Variants in SLC7A14 observed in about 807,000 individuals in gnomAD.
SLC7A14 encodes the protein solute carrier family 7 member 14.
A neutral mutation model predicts 60.2 loss-of-function variants in SLC7A14; 37 were observed. That is an observed-to-expected ratio of 0.61 (90% CI 0.47 to 0.81). The LOEUF (loss-of-function observed/expected upper bound fraction) is 0.81, where lower values mean the gene tolerates loss of function less well. SLC7A14 is among the 30% of genes least tolerant of loss of function. SLC7A14 has a pLI of 0.00. For missense variants in SLC7A14, 886 were observed against 982.7 expected, an observed-to-expected ratio of 0.90 and a Z score of 1.32; for synonymous variants, 399 against 395.8, an observed-to-expected ratio of 1.01 and a Z score of -0.10.
At position 170,467,195 on chromosome 3, in the gene SLC7A14, C is replaced by T. The variant is rs1423276101; in HGVS notation, c.2176G>A (p.Asp726Asn). 6.2e-7 allele frequency: 1 copy of T among 1,614,134 alleles called. No individual in the cohort carries two copies. The highest frequency in any genetic ancestry group is 8.5e-7 in the Non-Finnish European group (1 of 1,180,042). The change falls in exon 8 of 8, where the codon GAC becomes AAC. Residue 726 changes from aspartate to asparagine, a missense_variant. Coordinates refer to ENST00000231706, the MANE Select transcript of SLC7A14 (RefSeq NM_020949.3). ...SQEDWGGPTE[D>N]KGFYYQQMSD... ...ATCTGTTGGTAATAGAAGCCTTTGT[C>T]TTCAGTGGGCCCGCCCCAGTCCTCC... is the stretch of plus-strand genomic sequence containing the variant.
intron 2 of SLC7A14, among the ~76,000 whole-genome samples, chr3:170,510,075 CAA>C (rs34579714): frequency 0.046 from 3,592 of 78,494 alleles, 108 homozygotes; most frequent in African/African-American, 0.13. Flanking sequence ...AACTCTGTCT[CAA>C]AAAAAAAAAA....
intron 5 of SLC7A14, among the ~76,000 whole-genome samples, chr3:170,484,836 G>A (rs974565654): frequency 1.3e-5 from 2 of 152,134 alleles, no homozygotes; most frequent in African/African-American, 4.8e-5. Flanking sequence ...ATTTCCTCTG[G>A]GGATGGGGCA....
intron 1 of SLC7A14, among the ~76,000 whole-genome samples, chr3:170,541,744 G>A (rs935032438): frequency 6.6e-6 from 1 of 152,164 alleles, no homozygotes; most frequent in Non-Finnish European, 1.5e-5. Flanking sequence ...GGTGGGATTA[G>A]GAATGATATC....
At chr3:170,510,499 G>A (rs1712945388) in intron 2 of SLC7A14, among the ~76,000 whole-genome samples, 2 of 152,050 alleles carry the variant, frequency 1.3e-5, no homozygotes, top group Non-Finnish European at 2.9e-5. Context: ...GTTATTGAAG[G>A]TACAGTCTCT....
Position 170,480,488 on chromosome 3 carries a change from G to T in SLC7A14, c.1794C>A (p.Ile598=). 1 of 1,614,176 alleles carries T rather than the reference G, an allele frequency of 6.2e-7. No individual in the cohort carries two copies. Reference sequence around the variant, plus strand: ...GCAGCACCATCAGAACAACCAGAAGGATGGCCCACCAGCTCTGCTCTGAGA... The same window carrying T: ...GCAGCACCATCAGAACAACCAGAAGTATGGCCCACCAGCTCTGCTCTGAGA... ...DYISEQSWWA[I]LLVVLMVLLI... is the part of the protein sequence containing the mutation. The change falls in exon 7 of 8, where the codon ATC becomes ATA. Residue 598 remains isoleucine, a synonymous_variant. Coordinates refer to ENST00000231706, the MANE Select transcript of SLC7A14 (RefSeq NM_020949.3).
chr3:170,583,319 G>A (rs1457187033), intron 1 of SLC7A14, among the ~76,000 whole-genome samples: 1 of 152,224 alleles, frequency 6.6e-6, no homozygotes, highest in Non-Finnish European at 1.5e-5. Flanking sequence ...GACAACACTG[G>A]AATAGTAGGA....
Position 170,467,160 on chromosome 3 carries a change from C to T in SLC7A14, c.2211G>A (p.Ala737=), listed in dbSNP as rs200155699. The T allele has an allele frequency of 5.2e-5, 84 of 1,614,150 alleles. No homozygotes were observed. Among genetic ancestry groups the T allele is most frequent in the Admixed American group, 2.8e-4 (17 of 60,030 alleles). ...TGCTACTTGTCCGGCCGTTTGCCTT[C>T]GCATCTGACATCTGTTGGTAATAGA... ...KGFYYQQMSD[A]KANGRTSSKA... The change falls in exon 8 of 8, where the codon GCG becomes GCA. Residue 737 remains alanine, a synonymous_variant. Coordinates refer to ENST00000231706, the MANE Select transcript of SLC7A14 (RefSeq NM_020949.3).
intron 1 of SLC7A14, among the ~76,000 whole-genome samples, chr3:170,539,905 T>C (rs1713965926): frequency 6.6e-6 from 1 of 152,176 alleles, no homozygotes; most frequent in African/African-American, 2.4e-5. Context: ...ATAACTAATA[T>C]TAAAATAGGA....
At chr3:170,582,465 G>T (rs1444596754) in intron 1 of SLC7A14, among the ~76,000 whole-genome samples, 1 of 152,094 alleles carries the variant, frequency 6.6e-6, no homozygotes, top group African/African-American at 2.4e-5. Flanking sequence ...ATTATAAATA[G>T]TTACATGTGG....
intron 1 of SLC7A14, among the ~76,000 whole-genome samples, chr3:170,542,838 C>A (rs1714061808): frequency 6.6e-6 from 1 of 152,106 alleles, no homozygotes; most frequent in Non-Finnish European, 1.5e-5. Context: ...ATTTTCAGTC[C>A]TTAACGTGGT....
intron 2 of SLC7A14, among the ~76,000 whole-genome samples, chr3:170,504,319 T>C (rs144242509): frequency 6.6e-6 from 1 of 152,290 alleles, no homozygotes; most frequent in African/African-American, 2.4e-5. Context: ...TTTATTTTTT[T>C]AATTTTTTTT....
chr3:170,579,269 G>A (rs139600566), intron 1 of SLC7A14, among the ~76,000 whole-genome samples: 2 of 152,342 alleles, frequency 1.3e-5, no homozygotes, highest in African/African-American at 4.8e-5. Flanking sequence ...AAGTGAGAGA[G>A]TTCAGTTATG....
intron 4 of SLC7A14, among the ~76,000 whole-genome samples, chr3:170,497,087 C>CAAAAAAAAAA (rs548290941): frequency 4.2e-5 from 4 of 94,306 alleles, no homozygotes; most frequent in South Asian, 4.0e-4. Context: ...TTATTTTGTC[C>CAAAAAAAAAA]AAAAAAAAAA....
rs1739691202 is a variant in SLC7A14 at position 170,465,283 on chromosome 3, T to C, written c.*1772A>G. ...GTTTCAATTCATCTTTATATGTATG[T>C]TAAAACCCAGTGCATCAGCCTGGAG... On this transcript the variant is annotated 3_prime_UTR_variant, in exon 8 of 8. Coordinates refer to ENST00000231706, the MANE Select transcript of SLC7A14 (RefSeq NM_020949.3). 1 of 152,278 alleles carries C rather than the reference T, an allele frequency of 6.6e-6. No homozygotes were observed. The highest frequency in any genetic ancestry group is 2.1e-4 in the South Asian group (1 of 4,834). 9.4% of individuals were successfully genotyped at this position (152,278 alleles called of 1,614,324 possible).
At chr3:170,578,662 A>G (rs1373030853) in intron 1 of SLC7A14, among the ~76,000 whole-genome samples, 6 of 152,196 alleles carry the variant, frequency 3.9e-5, no homozygotes, top group African/African-American at 1.2e-4. Flanking sequence ...TATTGTTTCC[A>G]GGTAAGGTAC....
intron 1 of SLC7A14, among the ~76,000 whole-genome samples, chr3:170,555,988 C>T (rs533204458): frequency 6.6e-6 from 1 of 152,296 alleles, no homozygotes; most frequent in East Asian, 1.9e-4. Flanking sequence ...AACTCTTCTG[C>T]TCATTACTTT....
intron 1 of SLC7A14, among the ~76,000 whole-genome samples, chr3:170,584,940 G>T (rs899597689): frequency 6.6e-6 from 1 of 152,194 alleles, no homozygotes; most frequent in Non-Finnish European, 1.5e-5. Context: ...ACACAGGTGG[G>T]GGGATGAGGA....
In SLC7A14 at chr3:170,526,678, C is replaced by T. The variant is rs760218785; in HGVS notation, c.259G>A (p.Val87Ile). The T allele has an allele frequency of 1.2e-6, 2 of 1,614,228 alleles. No homozygotes were observed. Among genetic ancestry groups the T allele is most frequent in the Admixed American group, 1.7e-5 (1 of 60,034 alleles). The change falls in exon 2 of 8, where the codon GTC becomes ATC. Residue 87 changes from valine (V) to isoleucine (I), a missense_variant. By Grantham distance (29) the Val-to-Ile change is conservative. Coordinates refer to ENST00000231706, the MANE Select transcript of SLC7A14 (RefSeq NM_020949.3). Reference protein sequence around the residue: ...LVAKEMAGPGVIVSFIIAAVA... With the variant: ...LVAKEMAGPGIIVSFIIAAVA... ...GCTGCAATGATGAAGGACACAATGA[C>T]ACCAGGTCCTGCCATTTCCTTGGCC...
chr3:170,500,029 A>C (rs1380415798), intron 3 of SLC7A14, among the ~76,000 whole-genome samples: 2 of 152,208 alleles, frequency 1.3e-5, no homozygotes, highest in Admixed American at 1.3e-4. Flanking sequence ...TGATATAGGA[A>C]TATCGAAGTT....
Sources: gnomAD v4.1 joint callset for allele counts (sites outside exome capture counted in the v4.1 genomes callset) on GRCh38, gnomAD v4.1.1 for gene constraint, MANE v1.5 for transcripts, NCBI Gene and HGNC (gene_info 2026-07-23, HGNC 2026-07-21) for gene names.